The following FHIT variants were observed in gnomAD, a reference collection of about 807,000 sequenced individuals.
The protein encoded by FHIT is fragile histidine triad diadenosine triphosphatase, also known as bis(5'-adenosyl)-triphosphatase.
FHIT carries 19 observed loss-of-function variants against 17.9 expected under a neutral mutation model. That is an observed-to-expected ratio of 1.06 (90% CI 0.74 to 1.56). The LOEUF (loss-of-function observed/expected upper bound fraction) is 1.56. Among genes scored for constraint, FHIT ranks in the 40% most tolerant of loss-of-function variants. The pLI is 0.00. For synonymous variants in FHIT, 81 were observed against 69.7 expected (o/e 1.16, Z -0.81); for missense variants, 248 against 189.2 (o/e 1.31, Z -1.82).
At chr3:61,185,782 C>T (rs535701158) in intron 2 of FHIT, among the ~76,000 whole-genome samples, 2 of 152,268 alleles carry the variant, frequency 1.3e-5, no homozygotes, top group East Asian at 3.9e-4. Context: ...TTGGAGTCAT[C>T]TCTGGGCTGT....
chr3:60,054,156 G>T (rs1575987494), intron 5 of FHIT, among the ~76,000 whole-genome samples: 1 of 152,108 alleles, frequency 6.6e-6, no homozygotes, highest in African/African-American at 2.4e-5. Flanking sequence ...TTTAATCATA[G>T]AATTTTTTAA....
chr3:60,463,304 A>G (rs929106902), intron 5 of FHIT, among the ~76,000 whole-genome samples: 1 of 152,206 alleles, frequency 6.6e-6, no homozygotes, highest in Non-Finnish European at 1.5e-5. Context: ...ATAGTTCACA[A>G]ATCTAAGGAA....
At chr3:60,701,176 T>A (rs1553702014) in intron 4 of FHIT, among the ~76,000 whole-genome samples, 1 of 144,620 alleles carries the variant, frequency 6.9e-6, no homozygotes, top group Admixed American at 7.3e-5. Context: ...CAGGCTGGAG[T>A]GCAGGGGAGT....
chr3:60,118,762 A>T (rs1225628323), intron 5 of FHIT, among the ~76,000 whole-genome samples: 1 of 2,966 alleles, frequency 3.4e-4, no homozygotes, highest in African/African-American at 1.4e-3. Context: ...TGGGAGGCTG[A>T]GGTGGGGGCG....
intron 5 of FHIT, among the ~76,000 whole-genome samples, chr3:60,273,099 A>G (rs772172300): frequency 2.6e-5 from 4 of 152,230 alleles, no homozygotes; most frequent in Non-Finnish European, 5.9e-5. Flanking sequence ...AGATTTACAT[A>G]AAGAGAACAT....
intron 5 of FHIT, among the ~76,000 whole-genome samples, chr3:60,454,746 A>G (rs1246364085): frequency 6.6e-6 from 1 of 152,126 alleles, no homozygotes; most frequent in African/African-American, 2.4e-5. Flanking sequence ...TTTCTTGTGC[A>G]CATCTGGAGC....
At chr3:60,157,018 T>C (rs1201913656) in intron 5 of FHIT, among the ~76,000 whole-genome samples, 1 of 152,062 alleles carries the variant, frequency 6.6e-6, no homozygotes, top group Non-Finnish European at 1.5e-5. Context: ...AACTATCCCT[T>C]ACTGGAAAAT....
At chr3:60,172,439 A>G (rs1216638594) in intron 5 of FHIT, among the ~76,000 whole-genome samples, 1 of 134,460 alleles carries the variant, frequency 7.4e-6, no homozygotes, top group Non-Finnish European at 1.6e-5. Context: ...CTAATTTTGT[A>G]TTTTTTTTTT....
intron 5 of FHIT, among the ~76,000 whole-genome samples, chr3:60,473,923 C>CA (rs71710853): frequency 0.093 from 13,733 of 147,036 alleles, 797 homozygotes; most frequent in East Asian, 0.16. Flanking sequence ...ACTCCATTTC[C>CA]AAAAAAAAAA....
Position 60,885,085 on chromosome 3 carries a change from T to C in FHIT, c.-110-63074A>G, listed in dbSNP as rs75951247. 4.2e-3 allele frequency among the ~76,000 whole-genome samples: 634 copies of C among 152,016 alleles called. 4 individuals carry two copies. The highest frequency in any genetic ancestry group is 5.0e-3 in the Non-Finnish European group (342 of 67,962). On this transcript the variant is annotated intron_variant, in intron 3 of 9. Coordinates refer to ENST00000492590, the MANE Select transcript of FHIT (RefSeq NM_002012.4). ...GGGTGAAGAGAGGTTGGTTAATAGA[T>C]ATAAAAAGACAGCTAGATAGAAGGA...
intron 3 of FHIT, among the ~76,000 whole-genome samples, chr3:60,885,341 T>TA (rs1351583511): frequency 6.6e-6 from 1 of 152,166 alleles, no homozygotes; most frequent in African/African-American, 2.4e-5. Flanking sequence ...GTATCAATAA[T>TA]AAAAAACATT....
chr3:61,045,138 A>C (rs1278003855), intron 2 of FHIT, among the ~76,000 whole-genome samples: 1 of 152,208 alleles, frequency 6.6e-6, no homozygotes, highest in Admixed American at 6.5e-5. Context: ...AACAATATTA[A>C]CCTTAAATGT....
At position 59,964,800 on chromosome 3, in the gene FHIT, G is replaced by C. The variant is rs541526894; in HGVS notation, c.280-42386C>G. Among the ~76,000 whole-genome samples, 5 of 146,754 alleles carry C rather than the reference G, an allele frequency of 3.4e-5. No homozygotes were observed. The East Asian group carries it at 9.7e-4, about 28-fold the overall frequency. ...AAAAAGCAAGTTGTATAATTATTCT[G>C]TGTTATTATTTTTAAAAGCCCTATA... On this transcript the variant is annotated intron_variant, in intron 7 of 9. Transcript: ENST00000492590.
intron 5 of FHIT, among the ~76,000 whole-genome samples, chr3:60,466,378 G>C (rs966590244): frequency 3.3e-5 from 5 of 151,922 alleles, no homozygotes; most frequent in African/African-American, 9.7e-5. Context: ...TCTTTCTCTT[G>C]TCTGATTTCT....
intron 2 of FHIT, among the ~76,000 whole-genome samples, chr3:61,043,166 C>T (rs2033608734): frequency 1.3e-5 from 2 of 152,184 alleles, no homozygotes; most frequent in Admixed American, 1.3e-4. Flanking sequence ...TTGCCTCACC[C>T]AGGCAGTGCA....
intron 5 of FHIT, among the ~76,000 whole-genome samples, chr3:60,309,838 T>A (rs1283120600): frequency 6.6e-6 from 1 of 152,172 alleles, no homozygotes. Context: ...TCAGCTCAAG[T>A]CGCTCCCACA....
chr3:59,861,990 C>A (rs1283544011), intron 8 of FHIT, among the ~76,000 whole-genome samples: 1 of 150,236 alleles, frequency 6.7e-6, no homozygotes, highest in African/African-American at 2.5e-5. Context: ...CAAAAAATGC[C>A]AAATTATCAC....
intron 3 of FHIT, among the ~76,000 whole-genome samples, chr3:60,953,117 C>A (rs946937761): frequency 7.2e-5 from 11 of 152,104 alleles, no homozygotes; most frequent in African/African-American, 2.7e-4. Context: ...AGAATAAGAA[C>A]AAGTGGGGGC....
intron 2 of FHIT, among the ~76,000 whole-genome samples, chr3:61,161,412 C>A (rs1181620234): frequency 6.6e-6 from 1 of 152,076 alleles, no homozygotes; most frequent in Non-Finnish European, 1.5e-5. Flanking sequence ...CCATGTTAGC[C>A]AGGATGGTCT....
Sources: allele counts gnomAD v4.1 joint callset (sites outside exome capture counted in the v4.1 genomes callset), GRCh38; gene constraint gnomAD v4.1.1; transcripts MANE v1.5; gene names NCBI Gene and HGNC (gene_info 2026-07-23, HGNC 2026-07-21).